The following GSE1 variants were observed in gnomAD, a reference collection of about 807,000 sequenced individuals.
GSE1 encodes genetic suppressor element 1.
GSE1 carries 32 observed loss-of-function variants against 112.6 expected under a neutral mutation model. That is an observed-to-expected ratio of 0.28 (90% confidence interval 0.21 to 0.38). The LOEUF is 0.38. Among genes scored for constraint, GSE1 ranks in the 10% least tolerant of loss-of-function variants. GSE1 has a pLI of 1.00. For synonymous variants in GSE1, 1,115 were observed against 735.6 expected (o/e 1.52, Z -8.35); for missense variants, 2,348 against 1,699.2 (o/e 1.38, Z -6.71).
intron 2 of GSE1, among the ~76,000 whole-genome samples, chr16:85,465,064 C>A (rs143579452): frequency 6.6e-6 from 1 of 152,192 alleles, no homozygotes; most frequent in African/African-American, 2.4e-5. Context: ...CCTGGGCAGT[C>A]CCACTCAGGG....
In GSE1 at chr16:85,525,463, G is replaced by C. The variant is rs1052380213; in HGVS notation, c.2465-108451G>C. Among the ~76,000 whole-genome samples, 5 of 152,318 alleles carry C rather than the reference G, an allele frequency of 3.3e-5. No homozygotes were observed. The East Asian group carries it at 9.6e-4, about 29-fold the overall frequency. ...GAGCGAGGTGGCCAGGCTGGCCCTA[G>C]GCTTCCTTGTTTCACAGTTTCCCTC... is the stretch of plus-strand genomic sequence containing the variant. On this transcript the variant is annotated intron_variant, in intron 2 of 2. Coordinates refer to the GSE1 transcript ENST00000637419.
chr16:85,435,199 C>T (rs543586696), intron 2 of GSE1, among the ~76,000 whole-genome samples: 353 of 152,328 alleles, frequency 2.3e-3, no homozygotes, highest in African/African-American at 8.3e-3. Flanking sequence ...CCCAGAGCCT[C>T]GGCCCTGCAC....
chr16:85,187,829 A>G (rs2074738630), intron 1 of GSE1, among the ~76,000 whole-genome samples: 2 of 152,132 alleles, frequency 1.3e-5, no homozygotes, highest in South Asian at 4.1e-4. Context: ...CAGACTGGGG[A>G]AATGATCGCT....
intron 2 of GSE1, among the ~76,000 whole-genome samples, chr16:85,433,150 C>T (rs1010760658): frequency 1.3e-5 from 2 of 151,844 alleles, no homozygotes; most frequent in Admixed American, 1.3e-4. Flanking sequence ...CAGAGGGCCT[C>T]GAGCTGTGGG....
chr16:85,512,711 G>A (rs1246693653), intron 2 of GSE1, among the ~76,000 whole-genome samples: 1 of 152,126 alleles, frequency 6.6e-6, no homozygotes, highest in Non-Finnish European at 1.5e-5. Context: ...AGTCCACTCC[G>A]ATATCAAAGC....
In GSE1 at chr16:85,226,915, A is replaced by C. The variant is rs1379048039; in HGVS notation, c.2283+55108A>C. Reference sequence around the variant, plus strand: ...CTTTGCAGGCTCTTCATCTGGCCCGAAAACTGAGGTTCTCCTTGCAGGAAT... The same window carrying C: ...CTTTGCAGGCTCTTCATCTGGCCCGCAAACTGAGGTTCTCCTTGCAGGAAT... On this transcript the variant is annotated intron_variant, in intron 1 of 2. Transcript: ENST00000637419. Among the ~76,000 whole-genome samples, 5 of 151,932 alleles carry C rather than the reference A, an allele frequency of 3.3e-5. No homozygotes were observed. The South Asian group carries it at 1.0e-3, about 32-fold the overall frequency.
At chr16:85,456,079 T>G (rs1049964312) in intron 2 of GSE1, among the ~76,000 whole-genome samples, 7 of 152,208 alleles carry the variant, frequency 4.6e-5, no homozygotes, top group Admixed American at 4.6e-4. Context: ...GCCCTCCCTC[T>G]CAACTCATCC....
At chr16:85,587,178 C>G (rs989507988) in intron 1 of GSE1, among the ~76,000 whole-genome samples, 3,365 of 150,780 alleles carry the variant, frequency 0.022, 143 homozygotes, top group African/African-American at 0.075. Flanking sequence ...ACCCCCCCCC[C>G]CCCAGACCAG....
At chr16:85,556,144 G>A (rs1386243848) in exon 1 of GSE1, 5 of 158,990 alleles carry the variant, frequency 3.1e-5, no homozygotes, top group Non-Finnish European at 3.5e-5. Flanking sequence ...CTTGCGGGGC[G>A]GGGGGGGGAA....
chr16:85,380,912 G>A (rs1438267889), intron 2 of GSE1, among the ~76,000 whole-genome samples: 1 of 152,200 alleles, frequency 6.6e-6, no homozygotes, highest in Non-Finnish European at 1.5e-5. Context: ...CCCTGGTAAA[G>A]TCTTTGCAAT....
intron 1 of GSE1, among the ~76,000 whole-genome samples, chr16:85,251,505 C>T (rs1906478758): frequency 6.6e-6 from 1 of 152,232 alleles, no homozygotes; most frequent in Admixed American, 6.5e-5. Flanking sequence ...AGCGGGGGTG[C>T]GGCCAGGCCG....
intron 2 of GSE1, among the ~76,000 whole-genome samples, chr16:85,542,799 C>T (rs1447193627): frequency 6.6e-6 from 1 of 152,224 alleles, no homozygotes; most frequent in Non-Finnish European, 1.5e-5. Flanking sequence ...CACATGACCT[C>T]CTCCCAAGTC....
intron 1 of GSE1, among the ~76,000 whole-genome samples, chr16:85,586,921 T>G (rs2151413792): frequency 6.6e-6 from 1 of 152,352 alleles, no homozygotes; most frequent in East Asian, 1.9e-4. Flanking sequence ...GAGGAGTAAG[T>G]GCCCGCAGCT....
chr16:85,560,814 A>G (rs970901278), intron 1 of GSE1, among the ~76,000 whole-genome samples: 4 of 152,004 alleles, frequency 2.6e-5, no homozygotes, highest in Non-Finnish European at 5.9e-5. Context: ...GGCCAGTAAT[A>G]ACGATCCTAA....
At chr16:85,434,266 C>T (rs1386649117) in intron 2 of GSE1, among the ~76,000 whole-genome samples, 1 of 151,784 alleles carries the variant, frequency 6.6e-6, no homozygotes, top group Non-Finnish European at 1.5e-5. Flanking sequence ...GCCCCATGAG[C>T]ACCATCTAGG....
At chr16:85,360,274 G>A (rs1432931450) in intron 2 of GSE1, among the ~76,000 whole-genome samples, 1 of 151,964 alleles carries the variant, frequency 6.6e-6, no homozygotes, top group Admixed American at 6.5e-5. Flanking sequence ...GAGTCTGGGG[G>A]TGCCAAGAAG....
chr16:85,636,656 C>G (rs372648503), intron 2 of GSE1, among the ~76,000 whole-genome samples: 1 of 149,364 alleles, frequency 6.7e-6, no homozygotes, highest in African/African-American at 2.5e-5. Context: ...CGGGTGGGGT[C>G]GTGTCCGTGT....
intron 1 of GSE1, among the ~76,000 whole-genome samples, chr16:85,618,366 A>T (rs1337579979): frequency 6.6e-6 from 1 of 152,140 alleles, no homozygotes; most frequent in African/African-American, 2.4e-5. Context: ...CATGCCCCTG[A>T]CGGGTAAATG....
At chr16:85,638,787 CCT>C (rs1490419394) in intron 2 of GSE1, among the ~76,000 whole-genome samples, 1 of 151,958 alleles carries the variant, frequency 6.6e-6, no homozygotes, top group African/African-American at 2.4e-5. Flanking sequence ...CCGTCCTACC[CCT>C]GTGACCCCCA....
Sources: gnomAD v4.1 joint callset for allele counts (sites outside exome capture counted in the v4.1 genomes callset) on GRCh38, gnomAD v4.1.1 for gene constraint, MANE v1.5 for transcripts, NCBI Gene and HGNC (gene_info 2026-07-23, HGNC 2026-07-21) for gene names.